The following PCDHA1 variants were observed in gnomAD, a reference collection of about 807,000 sequenced individuals.
The protein encoded by PCDHA1 is protocadherin alpha-1.
Under a neutral mutation model 61.3 loss-of-function variants are expected in PCDHA1, and 42 were observed. That is an observed-to-expected ratio of 0.69 (90% CI 0.54 to 0.89). PCDHA1 has a LOEUF of 0.89. Ranked by LOEUF, PCDHA1 falls within the 40% of genes least tolerant of loss-of-function variation. The probability of loss-of-function intolerance (pLI) is 0.00; values close to 1 mark genes in which losing one functional copy is unlikely to be tolerated. For missense variants in PCDHA1, 1,256 were observed against 1,235.3 expected, an observed-to-expected ratio of 1.02 and a Z score of -0.25; for synonymous variants, 610 against 553.8, an observed-to-expected ratio of 1.10 and a Z score of -1.43.
intron 1 of PCDHA1, chr5:140,809,297 A>G: frequency 2.5e-6 from 4 of 1,614,102 alleles, no homozygotes; most frequent in Middle Eastern, 3.3e-4. Context: ...GATCATTGCC[A>G]TCTGCGCGGT....
chr5:140,925,172 C>T (rs1176049315), intron 1 of PCDHA1, among the ~76,000 whole-genome samples: 2 of 151,994 alleles, frequency 1.3e-5, no homozygotes, highest in Admixed American at 6.6e-5. Context: ...TGTAATTGAC[C>T]CCAATGTACC....
intron 1 of PCDHA1, among the ~76,000 whole-genome samples, chr5:140,900,019 A>T (rs1164566696): frequency 1.3e-5 from 2 of 151,964 alleles, no homozygotes; most frequent in African/African-American, 4.8e-5. Flanking sequence ...TTTGTTACCC[A>T]GTTTGGCCTT....
At chr5:140,801,494 C>A in intron 1 of PCDHA1, 1 of 1,614,120 alleles carries the variant, frequency 6.2e-7, no homozygotes, top group South Asian at 1.1e-5. Flanking sequence ...GCGGGCGGAG[C>A]GCGGAGTGCA....
intron 1 of PCDHA1, among the ~76,000 whole-genome samples, chr5:140,901,939 A>G (rs1583441166): frequency 6.6e-6 from 1 of 151,884 alleles, no homozygotes; most frequent in Non-Finnish European, 1.5e-5. Flanking sequence ...TCCTAGGTAT[A>G]TTTAGTTTTA....
Position 140,787,895 on chromosome 5 carries a change from G to A in PCDHA1, c.1605G>A (p.Val535=), listed in dbSNP as rs1761410771. 1.2e-6 allele frequency: 2 copies of A among 1,613,448 alleles called. No individual in the cohort carries two copies. Among genetic ancestry groups the A allele is most frequent in the Admixed American group, 3.3e-5 (2 of 59,982 alleles). The change falls in exon 1 of 4, where the codon GTG becomes GTA. Residue 535 remains valine, a synonymous_variant. Coordinates refer to ENST00000504120, the MANE Select transcript of PCDHA1 (RefSeq NM_018900.4). ...AGCTGGAGCTGCTGCAGTTCCAGGT[G>A]AGCGCGCGGGATGCGGGCGTGCCGC... is the stretch of plus-strand genomic sequence containing the variant. ...HEELELLQFQ[V]SARDAGVPPL...
intron 1 of PCDHA1, chr5:140,829,247 A>T: frequency 1.2e-6 from 2 of 1,614,250 alleles, no homozygotes; most frequent in Non-Finnish European, 1.7e-6. Context: ...CGGGCAGGTG[A>T]ACTGCTCGCT....
At chr5:140,804,358 A>G (rs1562197499) in intron 1 of PCDHA1, 1 of 152,056 alleles carries the variant, frequency 6.6e-6, no homozygotes, top group Non-Finnish European at 1.5e-5. Context: ...AAAATTTATT[A>G]CTAATAACTA....
chr5:140,818,203 G>A (rs2150100519), intron 1 of PCDHA1, among the ~76,000 whole-genome samples: 7 of 152,104 alleles, frequency 4.6e-5, no homozygotes, highest in African/African-American at 4.8e-5. Flanking sequence ...GTACATGTAT[G>A]TTAAATCTTT....
chr5:140,856,719 C>A, intron 1 of PCDHA1: 1 of 1,596,152 alleles, frequency 6.3e-7, no homozygotes, highest in Non-Finnish European at 8.6e-7. Flanking sequence ...TTTACCGGAT[C>A]TGTTTCTCTG....
intron 1 of PCDHA1, among the ~76,000 whole-genome samples, chr5:140,880,638 T>C (rs1239160653): frequency 6.6e-6 from 1 of 152,134 alleles, no homozygotes; most frequent in Non-Finnish European, 1.5e-5. Flanking sequence ...ATCAATTCAC[T>C]TGAGAGCCCA....
chr5:140,869,388 G>C lies in PCDHA1; in HGVS notation c.2394+80704G>C, dbSNP rs529836794. On this transcript the variant is annotated intron_variant, in intron 1 of 3. Transcript: ENST00000504120. Reference sequence around the variant, plus strand: ...ATTCTCGGATCGACCGCGAGGAGCTGTGCGGGCAGAGCGCGGAGTGCAGCA... The same window carrying C: ...ATTCTCGGATCGACCGCGAGGAGCTCTGCGGGCAGAGCGCGGAGTGCAGCA... 3.7e-6 allele frequency: 6 copies of C among 1,614,204 alleles called. No homozygotes were observed. The African/African-American group carries it at 6.7e-5, about 18-fold the overall frequency.
chr5:140,961,920 G>A (rs2095643236), intron 1 of PCDHA1, among the ~76,000 whole-genome samples: 1 of 147,904 alleles, frequency 6.8e-6, no homozygotes, highest in South Asian at 2.1e-4. Context: ...GTCTCGCTCT[G>A]TTGCCCAGGC....
chr5:140,831,690 G>A (rs191076937), intron 1 of PCDHA1, among the ~76,000 whole-genome samples: 1 of 152,120 alleles, frequency 6.6e-6, no homozygotes, highest in Non-Finnish European at 1.5e-5. Context: ...ATGAAAAGCA[G>A]CAAAAAGTAG....
At chr5:140,985,386 T>A (rs2097149117) in intron 3 of PCDHA1, among the ~76,000 whole-genome samples, 1 of 152,170 alleles carries the variant, frequency 6.6e-6, no homozygotes, top group African/African-American at 2.4e-5. Context: ...TATAATCCAG[T>A]CACCCCAACT....
intron 1 of PCDHA1, chr5:140,967,271 A>T (rs1007708043): frequency 6.2e-7 from 1 of 1,613,338 alleles, no homozygotes; most frequent in African/African-American, 1.3e-5. Context: ...GCGCTTTCAC[A>T]TAGAGAGTGC....
chr5:140,956,706 G>A (rs1166051458), intron 1 of PCDHA1, among the ~76,000 whole-genome samples: 2 of 152,172 alleles, frequency 1.3e-5, no homozygotes, highest in African/African-American at 4.8e-5. Flanking sequence ...GTTTGGAATA[G>A]CTTCAGAAGA....
intron 1 of PCDHA1, chr5:140,928,541 AC>A: frequency 3.7e-6 from 6 of 1,614,192 alleles, no homozygotes; most frequent in Non-Finnish European, 5.1e-6. Context: ...GATAGGAATG[AC>A]AATTATCCGG....
intron 1 of PCDHA1, chr5:140,836,168 T>A: frequency 1.2e-6 from 2 of 1,613,802 alleles, no homozygotes; most frequent in Non-Finnish European, 1.7e-6. Flanking sequence ...CGAAGGTACG[T>A]GCAGTTGACG....
chr5:140,912,343 A>AT (rs35252606), intron 1 of PCDHA1, among the ~76,000 whole-genome samples: 1,442 of 143,856 alleles, frequency 0.01, 7 homozygotes, highest in South Asian at 0.021. Flanking sequence ...TACACTAAGT[A>AT]TTTTTTTTTT....
Sources: allele counts gnomAD v4.1 joint callset (sites outside exome capture counted in the v4.1 genomes callset), GRCh38; gene constraint gnomAD v4.1.1; transcripts MANE v1.5; gene names NCBI Gene and HGNC (gene_info 2026-07-23, HGNC 2026-07-21).